The following PXK variants were observed in gnomAD, a reference collection of about 807,000 sequenced individuals.
The protein encoded by PXK is PX domain containing serine/threonine kinase like, also known as PX domain-containing protein kinase-like protein.
PXK carries 35 observed loss-of-function variants against 84.7 expected under a neutral mutation model. The observed-to-expected ratio is 0.41, with a 90% CI of 0.32 to 0.55. The LOEUF is 0.55. Ranked by LOEUF, PXK falls within the 20% of genes least tolerant of loss-of-function variation. PXK has a pLI of 0.21. For missense variants in PXK, 634 were observed against 699.7 expected (o/e 0.91, Z 1.06); for synonymous variants, 253 against 260.8 (o/e 0.97, Z 0.29).
At chr3:58,352,577 A>AT (rs949324321) in intron 1 of PXK, among the ~76,000 whole-genome samples, 1 of 151,630 alleles carries the variant, frequency 6.6e-6, no homozygotes, top group Non-Finnish European at 1.5e-5. Context: ...AAAGTTTGGT[A>AT]TTTTTTTTCT....
At chr3:58,361,317 AAATG>A (rs1437346080) in intron 1 of PXK, among the ~76,000 whole-genome samples, 18 of 151,416 alleles carry the variant, frequency 1.2e-4, no homozygotes, top group African/African-American at 4.4e-4. Flanking sequence ...AAAAAAAAAA[AAATG>A]CAGAGAGATC....
At chr3:58,420,550 T>C (rs576583613) in intron 17 of PXK, 11 of 1,536,068 alleles carry the variant, frequency 7.2e-6, no homozygotes, top group Middle Eastern at 3.3e-4. Context: ...GCATGCACCA[T>C]TTTGAACGTG....
intron 3 of PXK, among the ~76,000 whole-genome samples, chr3:58,377,605 TAA>T (rs536644701): frequency 5.9e-5 from 7 of 118,110 alleles, no homozygotes; most frequent in Non-Finnish European, 3.7e-5. Flanking sequence ...TATCTCTTTC[TAA>T]AAAAAAAAAA....
chr3:58,413,748 C>T (rs901911761), intron 17 of PXK: 6 of 152,352 alleles, frequency 3.9e-5, no homozygotes, highest in African/African-American at 1.4e-4. Flanking sequence ...TTCTGCCACT[C>T]AGAGCTTGCT....
At chr3:58,337,818 G>A (rs984260722) in intron 1 of PXK, among the ~76,000 whole-genome samples, 1 of 152,076 alleles carries the variant, frequency 6.6e-6, no homozygotes, top group Non-Finnish European at 1.5e-5. Context: ...TAGTGGCTTG[G>A]TTTATTGATC....
At chr3:58,423,337 T>C in intron 17 of PXK, 1 of 1,454,846 alleles carries the variant, frequency 6.9e-7, no homozygotes, top group Non-Finnish European at 9.2e-7. Context: ...CAGTTGTTAT[T>C]GTGTAGAACC....
chr3:58,372,455 T>G (rs1046761590), intron 3 of PXK, among the ~76,000 whole-genome samples: 5 of 151,994 alleles, frequency 3.3e-5, no homozygotes, highest in African/African-American at 1.2e-4. Context: ...CCCGAGTAGC[T>G]GGGACTACAG....
At chr3:58,378,330 C>T (rs1259559786) in intron 3 of PXK, among the ~76,000 whole-genome samples, 1 of 151,876 alleles carries the variant, frequency 6.6e-6, no homozygotes, top group Non-Finnish European at 1.5e-5. Flanking sequence ...AAATAAAGCC[C>T]ACAGTAGATA....
At chr3:58,363,295 C>T (rs12107189) in intron 1 of PXK, among the ~76,000 whole-genome samples, 34,562 of 151,744 alleles carry the variant, frequency 0.23, 5,072 homozygotes, top group African/African-American at 0.41. Flanking sequence ...AGATACACAA[C>T]TGATATTTGT....
intron 16 of PXK, among the ~76,000 whole-genome samples, chr3:58,410,472 T>A (rs1045926255): frequency 6.6e-6 from 1 of 152,212 alleles, no homozygotes; most frequent in Non-Finnish European, 1.5e-5. Context: ...ATGTAAGGCC[T>A]CCTGTTTTTT....
At position 58,364,332 on chromosome 3, in the gene PXK, G is replaced by T. The variant is rs2098237455; in HGVS notation, c.103-1542G>T. 1.3e-5 allele frequency among the ~76,000 whole-genome samples: 2 copies of T among 152,244 alleles called. No individual in the cohort carries two copies. Among genetic ancestry groups the T allele is most frequent in the Non-Finnish European group, 2.9e-5 (2 of 68,010 alleles). ...GTGTTGATTCTTCTTAAGACACTTA[G>T]TAGAATTCTCCAGTGAAACCATTGG... is the stretch of plus-strand genomic sequence containing the variant. On this transcript the variant is annotated intron_variant, in intron 1 of 17. Coordinates refer to ENST00000356151, the MANE Select transcript of PXK (RefSeq NM_017771.5). The surrounding 1 kb of genome is among the most constrained non-coding windows in gnomAD (Gnocchi z 4.3).
chr3:58,367,480 C>T (rs1156975470), intron 2 of PXK, among the ~76,000 whole-genome samples: 3 of 152,016 alleles, frequency 2.0e-5, no homozygotes, highest in Admixed American at 6.6e-5. Flanking sequence ...GTCCTGACCT[C>T]GTGATCCGCC....
rs2098621068 is a variant in PXK at position 58,390,732 on chromosome 3, A to G, written c.466+73A>G. On this transcript the variant is annotated intron_variant, in intron 5 of 17. Transcript: ENST00000356151. The surrounding 1 kb of genome is among the most constrained non-coding windows in gnomAD (Gnocchi z 4.2). ...TGGATCCTTAGTCATGCTTTCTGATACGTATCCCAGGAACATGCTTAAATG... is the reference window on the plus strand; with the variant it reads ...TGGATCCTTAGTCATGCTTTCTGATGCGTATCCCAGGAACATGCTTAAATG... The G allele has an allele frequency of 2.9e-6, 4 of 1,401,892 alleles. No homozygotes were observed. Among genetic ancestry groups the G allele is most frequent in the East Asian group, 4.7e-5 (2 of 42,964 alleles). The allele number at this position is 1,401,892 out of a possible 1,614,324, so 86.8% of individuals were successfully genotyped here.
intron 7 of PXK, among the ~76,000 whole-genome samples, chr3:58,393,088 C>G (rs1371166587): frequency 2.0e-5 from 3 of 152,098 alleles, no homozygotes; most frequent in African/African-American, 7.2e-5. Flanking sequence ...GTGGCTCATG[C>G]CTGTAATCCC....
rs1442466785 is a variant in PXK at position 58,421,636 on chromosome 3, A to G, written c.1529-3116A>G. 1 of 988,178 alleles carries G rather than the reference A, an allele frequency of 1.0e-6. No homozygotes were observed. Among genetic ancestry groups the G allele is most frequent in the Non-Finnish European group, 1.2e-6 (1 of 830,244 alleles). The allele number at this position is 988,178 out of a possible 1,614,324, so 61.2% of individuals were successfully genotyped here. ...AGACATCCTGTCCACAAGGCTGTCA[A>G]GGGGGTTTCTGGCCTGGCATTCCTC... On this transcript the variant is annotated intron_variant, in intron 17 of 17. Coordinates refer to ENST00000356151, the MANE Select transcript of PXK (RefSeq NM_017771.5). This position sits in a 1 kb window ranked among gnomAD's most constrained non-coding sequence, Gnocchi z 5.5.
intron 1 of PXK, among the ~76,000 whole-genome samples, chr3:58,352,436 T>A (rs1446798995): frequency 6.6e-6 from 1 of 152,210 alleles, no homozygotes; most frequent in Non-Finnish European, 1.5e-5. Flanking sequence ...CTACTAAACA[T>A]GTAGTGGGTA....
At chr3:58,380,768 G>A (rs1343343636) in intron 3 of PXK, among the ~76,000 whole-genome samples, 1 of 152,040 alleles carries the variant, frequency 6.6e-6, no homozygotes, top group Non-Finnish European at 1.5e-5. Flanking sequence ...CAGCCTGGGT[G>A]ACAGAGGGAG....
At chr3:58,354,979 CATG>C (rs1236879899) in intron 1 of PXK, among the ~76,000 whole-genome samples, 1 of 151,952 alleles carries the variant, frequency 6.6e-6, no homozygotes, top group Middle Eastern at 3.2e-3. Flanking sequence ...ATTAGCCAAG[CATG>C]GTGGTGTGCG....
At chr3:58,423,038 T>C (rs6782218) in intron 17 of PXK, 764,955 of 984,850 alleles carry the variant, frequency 0.78, 297,894 homozygotes, top group East Asian at 0.81. Flanking sequence ...GGCACCTACT[T>C]ACCCCCAAGT....
Sources: gnomAD v4.1 joint callset for allele counts (sites outside exome capture counted in the v4.1 genomes callset) on GRCh38, gnomAD v4.1.1 for gene constraint, Gnocchi (gnomAD v3.1) non-coding constraint, MANE v1.5 for transcripts, NCBI Gene and HGNC (gene_info 2026-07-23, HGNC 2026-07-21) for gene names.